Variants in SCD5 observed in about 807,000 individuals in gnomAD.
SCD5 encodes stearoyl-CoA desaturase 5.
In SCD5, 20 loss-of-function variants were observed where a neutral mutation model predicts 30.4. The observed-to-expected ratio is 0.66, with a 90% CI of 0.46 to 0.96. SCD5 has a LOEUF of 0.96. Among genes scored for constraint, SCD5 ranks in the 40% least tolerant of loss-of-function variants. The pLI, the probability that SCD5 is intolerant of heterozygous loss-of-function variation, is 0.00. For missense variants in SCD5, 381 were observed against 443.3 expected (o/e 0.86, Z 1.26); for synonymous variants, 173 against 176.4 (o/e 0.98, Z 0.16).
chr4:82,712,397 A>C (rs774446461), intron 1 of SCD5, among the ~76,000 whole-genome samples: 9 of 145,092 alleles, frequency 6.2e-5, no homozygotes, highest in Non-Finnish European at 1.2e-4. Context: ...GGCTTATTGC[A>C]ACCTCTGCCT....
intron 1 of SCD5, among the ~76,000 whole-genome samples, chr4:82,781,101 A>C (rs1721859447): frequency 6.6e-6 from 1 of 152,204 alleles, no homozygotes. Flanking sequence ...GGGCTTGAGA[A>C]TCATTCACAC....
At chr4:82,701,480 A>ATT (rs1430312651) in intron 2 of SCD5, among the ~76,000 whole-genome samples, 2 of 152,164 alleles carry the variant, frequency 1.3e-5, no homozygotes, top group Non-Finnish European at 2.9e-5. Context: ...AAATATACCA[A>ATT]TTAAAAGACA....
At chr4:82,639,061 A>G (rs988463238) in intron 3 of SCD5, among the ~76,000 whole-genome samples, 31 of 152,178 alleles carry the variant, frequency 2.0e-4, no homozygotes, top group African/African-American at 7.5e-4. Flanking sequence ...CTGCCTTGCA[A>G]CTGAAAAAAC....
chr4:82,696,836 GA>G (rs1719707001), intron 2 of SCD5, among the ~76,000 whole-genome samples: 1 of 152,210 alleles, frequency 6.6e-6, no homozygotes, highest in Non-Finnish European at 1.5e-5. Flanking sequence ...CAGGTACAGG[GA>G]GAAATGACTT....
At chr4:82,728,392 G>A (rs1481545542) in intron 1 of SCD5, among the ~76,000 whole-genome samples, 1 of 152,136 alleles carries the variant, frequency 6.6e-6, no homozygotes, top group Non-Finnish European at 1.5e-5. Flanking sequence ...AAGGTCACAA[G>A]GTTAGGATTA....
rs756683351 is a variant in SCD5 at position 82,660,850 on chromosome 4, G to A, written c.569+19857C>T. On this transcript the variant is annotated intron_variant, in intron 3 of 4. Coordinates refer to ENST00000319540, the MANE Select transcript of SCD5 (RefSeq NM_001037582.3). ...ATTCTATACGTTATCACCAAGCCTCGCTGTTGTATATCTCTCTTCTGACCT... is the reference window on the plus strand; with the variant it reads ...ATTCTATACGTTATCACCAAGCCTCACTGTTGTATATCTCTCTTCTGACCT... 8.7e-6 allele frequency: 14 copies of A among 1,613,582 alleles called. 1 individual carries two copies. Among genetic ancestry groups the A allele is most frequent in the South Asian group, 7.7e-5 (7 of 91,074 alleles).
chr4:82,755,555 A>G (rs1721217109), intron 1 of SCD5, among the ~76,000 whole-genome samples: 1 of 152,098 alleles, frequency 6.6e-6, no homozygotes, highest in African/African-American at 2.4e-5. Context: ...AGGGAATGTT[A>G]AATTTGCATA....
chr4:82,747,069 G>GCCCCCCCCCCCCCC lies in SCD5; in HGVS notation c.233-41657_233-41656insGGGGGGGGGGGGGG, dbSNP rs151046123. Among the ~76,000 whole-genome samples, 32 of 139,724 alleles carry GCCCCCCCCCCCCCC rather than the reference G, an allele frequency of 2.3e-4. 1 individual carries two copies. Among genetic ancestry groups the GCCCCCCCCCCCCCC allele is most frequent in the Non-Finnish European group, 4.0e-4 (25 of 61,814 alleles). 91.7% of individuals were successfully genotyped at this position (139,724 alleles called of 152,430 possible). ...AGTTAGAGAAAAGTCTGGGCAACCTGCCCCCCAAGAAAGACGACCTTCCCA... is the reference window on the plus strand; with the variant it reads ...AGTTAGAGAAAAGTCTGGGCAACCTGCCCCCCCCCCCCCCCCCCCCAAGAAAGACGACCTTCCCA... On this transcript the variant is annotated intron_variant, in intron 1 of 4. Transcript: ENST00000319540.
rs955909091 is a variant in SCD5, at chr4:82,768,957, T to A, written c.232+29349A>T. On this transcript the variant is annotated intron_variant, in intron 1 of 4. Coordinates refer to ENST00000319540, the MANE Select transcript of SCD5 (RefSeq NM_001037582.3). ...AAACCTAAGACTTTTTTTTTTTTTTTAAGTAGTAAGGCCCCCTTTTCACAG... is the reference window on the plus strand; with the variant it reads ...AAACCTAAGACTTTTTTTTTTTTTTAAAGTAGTAAGGCCCCCTTTTCACAG... 6.6e-5 allele frequency among the ~76,000 whole-genome samples: 10 copies of A among 150,562 alleles called. No homozygotes were observed. In the East Asian group the frequency reaches 1.9e-3, roughly 29 times the overall value.
chr4:82,715,683 G>A (rs565316768), intron 1 of SCD5, among the ~76,000 whole-genome samples: 1 of 151,812 alleles, frequency 6.6e-6, no homozygotes, highest in East Asian at 1.9e-4. Context: ...TCATGCCTTG[G>A]TGTGGGAAAT....
chr4:82,798,742 C>T lies in SCD5; in HGVS notation c.-205G>A, dbSNP rs369023485. ...TAGGGATGCAGATCTTGGCGGCCGG[C>T]GTCTGTTGCTGGCGTATCCCCCATA... On this transcript the variant is annotated 5_prime_UTR_variant, in exon 1 of 5. Coordinates refer to ENST00000319540, the MANE Select transcript of SCD5 (RefSeq NM_001037582.3). 3 of 548,976 alleles carry T rather than the reference C, an allele frequency of 5.5e-6. No homozygotes were observed. The highest frequency in any genetic ancestry group is 6.5e-5 in the East Asian group (2 of 30,564). 34.0% of individuals were successfully genotyped at this position (548,976 alleles called of 1,614,324 possible).
intron 3 of SCD5, among the ~76,000 whole-genome samples, chr4:82,642,170 G>C (rs1030357720): frequency 4.6e-5 from 7 of 151,946 alleles, no homozygotes; most frequent in African/African-American, 1.7e-4. Context: ...CTCTTTTGCA[G>C]GACCTGTGCA....
At chr4:82,687,736 C>T (rs909861912) in intron 2 of SCD5, among the ~76,000 whole-genome samples, 10 of 152,160 alleles carry the variant, frequency 6.6e-5, no homozygotes, top group South Asian at 2.1e-4. Flanking sequence ...TTTTCTCCCA[C>T]GCACAGCCTT....
At chr4:82,676,232 C>T (rs1475958065) in intron 3 of SCD5, among the ~76,000 whole-genome samples, 1 of 152,212 alleles carries the variant, frequency 6.6e-6, no homozygotes, top group African/African-American at 2.4e-5. Flanking sequence ...TCTCTACTGA[C>T]CCTGCAGTGC....
intron 3 of SCD5, among the ~76,000 whole-genome samples, chr4:82,656,583 T>C (rs974053029): frequency 1.8e-4 from 27 of 152,198 alleles, no homozygotes; most frequent in African/African-American, 6.3e-4. Flanking sequence ...GTCTTTATAG[T>C]AGAATGATTT....
chr4:82,766,795 G>A (rs1005291627), intron 1 of SCD5, among the ~76,000 whole-genome samples: 3 of 151,880 alleles, frequency 2.0e-5, no homozygotes, highest in East Asian at 1.9e-4. Context: ...AAGTTTTTTC[G>A]GCCTCCAGAG....
intron 1 of SCD5, among the ~76,000 whole-genome samples, chr4:82,778,868 CTT>C (rs111615476): frequency 4.2e-4 from 60 of 142,418 alleles, no homozygotes; most frequent in African/African-American, 8.2e-4. Flanking sequence ...ACTAGCTAAT[CTT>C]TTTTTTTTTT....
intron 1 of SCD5, among the ~76,000 whole-genome samples, chr4:82,794,510 C>T (rs952529138): frequency 1.3e-5 from 2 of 152,210 alleles, no homozygotes; most frequent in Non-Finnish European, 2.9e-5. Flanking sequence ...ACTGCAAGGC[C>T]TCACTCCCTG....
chr4:82,712,274 A>G (rs867994378), intron 1 of SCD5, among the ~76,000 whole-genome samples: 5 of 46,534 alleles, frequency 1.1e-4, no homozygotes, highest in African/African-American at 6.7e-4. Context: ...ATATATATAT[A>G]TATATATATA....
Sources: gnomAD v4.1 joint callset for allele counts (sites outside exome capture counted in the v4.1 genomes callset) on GRCh38, gnomAD v4.1.1 for gene constraint, MANE v1.5 for transcripts, NCBI Gene and HGNC (gene_info 2026-07-23, HGNC 2026-07-21) for gene names.